GPC3: variants seen among roughly 807,000 people sequenced by gnomAD.
GPC3 encodes the protein glypican 3, also known as glypican-3.
Under a neutral mutation model 34.4 loss-of-function variants are expected in GPC3, and 3 were observed. The observed-to-expected ratio is 0.09, with a 90% CI of 0.04 to 0.23. The LOEUF (loss-of-function observed/expected upper bound fraction) is 0.23, where lower values mean the gene tolerates loss of function less well. GPC3 is among the 10% of genes least tolerant of loss of function. The probability of loss-of-function intolerance (pLI) is 1.00; values close to 1 mark genes in which losing one functional copy is unlikely to be tolerated. For missense variants in GPC3, 351 were observed against 445.6 expected (o/e 0.79, Z 1.91); for synonymous variants, 177 against 174.0 (o/e 1.02, Z -0.13).
chrX:133,661,900 A>G lies in GPC3; in HGVS notation c.1293-50T>C, dbSNP rs200592966. 1.5e-4 allele frequency: 173 copies of G among 1,187,754 alleles called. No homozygotes were observed. The Middle Eastern group carries it at 1.9e-3, about 13-fold the overall frequency. ...GGTTTGTCAAAGAAAGTCCCAAACA[A>G]AGGAAAAGCTGACTGTATTTGGCAT... On this transcript the variant is annotated intron_variant, in intron 5 of 7. Transcript: ENST00000370818.
Position 133,683,796 on chromosome X carries a change from C to G in GPC3, c.1292+8573G>C, listed in dbSNP as rs775402318. ...AAGGTAAAGCTACTGTATATGACAC[C>G]ATAATCTTAAGGGATAAATGTTACT... On this transcript the variant is annotated intron_variant, in intron 5 of 7. Transcript: ENST00000370818. Among the ~76,000 whole-genome samples the G allele has an allele frequency of 2.7e-5, 3 of 111,958 alleles. No homozygotes were observed. The East Asian group carries it at 8.5e-4, about 32-fold the overall frequency.
intron 2 of GPC3, among the ~76,000 whole-genome samples, chrX:133,795,643 A>G (rs1291581632): frequency 8.9e-6 from 1 of 111,832 alleles, no homozygotes; most frequent in Non-Finnish European, 1.9e-5. Context: ...ATACCTATGG[A>G]CTCAAAATCT....
chrX:133,827,875 G>A (rs2075755967), intron 2 of GPC3, among the ~76,000 whole-genome samples: 1 of 102,502 alleles, frequency 9.8e-6, no homozygotes, highest in African/African-American at 3.6e-5. Context: ...AACCCGGGAG[G>A]CGGAGGTTGC....
intron 3 of GPC3, among the ~76,000 whole-genome samples, chrX:133,737,234 A>T (rs2071519640): frequency 8.9e-6 from 1 of 112,315 alleles, no homozygotes; most frequent in Non-Finnish European, 1.9e-5. Flanking sequence ...AGCACAGAAC[A>T]TTTTTATAAC....
intron 3 of GPC3, among the ~76,000 whole-genome samples, chrX:133,746,398 C>A (rs188088859): frequency 1.8e-5 from 2 of 112,393 alleles, no homozygotes; most frequent in Non-Finnish European, 3.8e-5. Context: ...CATCTAATTT[C>A]TTAATATGAC....
At chrX:133,671,314 C>T (rs1328210406) in intron 5 of GPC3, 2 of 770,141 alleles carry the variant, frequency 2.6e-6, no homozygotes, top group African/African-American at 2.0e-5. Context: ...GAAAGGAATG[C>T]AAGAACCCAA....
In GPC3 at chrX:133,896,102, C is replaced by G. The variant is rs144300845; in HGVS notation, c.337+56948G>C. On this transcript the variant is annotated intron_variant, in intron 2 of 7. Coordinates refer to ENST00000370818, the MANE Select transcript of GPC3 (RefSeq NM_004484.4). The stretch of plus-strand genomic sequence containing the variant: ...CAAGGCTGGGTGTGGTGGCTCACTC[C>G]TGTAATCCCAGCATTTTGGGAGGCC... Among the ~76,000 whole-genome samples, 1,086 of 111,968 alleles carry G rather than the reference C, an allele frequency of 9.7e-3. 15 individuals are homozygous for G. Among genetic ancestry groups the G allele is most frequent in the African/African-American group, 0.031 (970 of 30,840 alleles).
intron 2 of GPC3, among the ~76,000 whole-genome samples, chrX:133,863,123 T>C (rs985640323): frequency 2.7e-5 from 3 of 112,634 alleles, no homozygotes; most frequent in African/African-American, 6.5e-5. Context: ...GCTGGGTCAA[T>C]AGTAATTGGT....
chrX:133,596,735 G>T, intron 6 of GPC3, 136 bp from the exon 7 acceptor site: 1 of 640,778 alleles, frequency 1.6e-6, no homozygotes, highest in Non-Finnish European at 2.6e-6. Flanking sequence ...TCAAATTTAC[G>T]TAGGTGTAAA....
At chrX:133,659,131 T>C (rs189781017) in intron 6 of GPC3, among the ~76,000 whole-genome samples, 1 of 112,430 alleles carries the variant, frequency 8.9e-6, no homozygotes, top group East Asian at 2.8e-4. Flanking sequence ...ATGATAGATA[T>C]ACACTGGAGT....
intron 2 of GPC3, among the ~76,000 whole-genome samples, chrX:133,892,239 C>T (rs1005250935): frequency 4.5e-5 from 5 of 111,836 alleles, no homozygotes; most frequent in Non-Finnish European, 9.4e-5. Context: ...AACCATTTTA[C>T]TTCTGGAGCA....
At chrX:133,947,749 T>C (rs953735666) in intron 2 of GPC3, among the ~76,000 whole-genome samples, 4 of 112,038 alleles carry the variant, frequency 3.6e-5, no homozygotes, top group African/African-American at 1.3e-4. Context: ...CCTTTTATAA[T>C]GGGATTACTA....
At chrX:133,758,298 C>T (rs2038750291) in intron 2 of GPC3, among the ~76,000 whole-genome samples, 1 of 111,500 alleles carries the variant, frequency 9.0e-6, no homozygotes, top group Admixed American at 9.5e-5. Context: ...TGGAATCAAC[C>T]CAAATGGCCA....
intron 2 of GPC3, among the ~76,000 whole-genome samples, chrX:133,804,548 A>C (rs1457494818): frequency 9.0e-6 from 1 of 110,517 alleles, no homozygotes; most frequent in East Asian, 2.8e-4. Flanking sequence ...CAAGGCCAAA[A>C]CACTAAATTC....
chrX:133,544,605 A>C (rs2069367215), intron 7 of GPC3, among the ~76,000 whole-genome samples: 1 of 112,185 alleles, frequency 8.9e-6, no homozygotes, highest in African/African-American at 3.2e-5. Context: ...GGCTCACAGC[A>C]GCCTTGAATA....
chrX:133,604,132 T>C (rs928560756), intron 6 of GPC3, among the ~76,000 whole-genome samples: 1 of 111,423 alleles, frequency 9.0e-6, no homozygotes, highest in Non-Finnish European at 1.9e-5. Flanking sequence ...TTTCTCACGT[T>C]AAGGGAAGAC....
chrX:133,784,738 T>C (rs1434494913), intron 2 of GPC3, among the ~76,000 whole-genome samples: 1 of 112,448 alleles, frequency 8.9e-6, no homozygotes, highest in African/African-American at 3.2e-5. Flanking sequence ...TAAAATTCAC[T>C]CCTTCAAAGT....
intron 5 of GPC3, among the ~76,000 whole-genome samples, chrX:133,677,886 C>A (rs2070900268): frequency 9.0e-6 from 1 of 111,169 alleles, no homozygotes; most frequent in Non-Finnish European, 1.9e-5. Flanking sequence ...GCAGTACAGA[C>A]CAGAGAAAAG....
intron 6 of GPC3, among the ~76,000 whole-genome samples, chrX:133,607,460 G>T (rs1305568914): frequency 1.8e-5 from 2 of 110,893 alleles, no homozygotes; most frequent in African/African-American, 3.3e-5. Context: ...AGAGATGGGG[G>T]TCTCGCTATG....
Sources: allele counts gnomAD v4.1 joint callset (sites outside exome capture counted in the v4.1 genomes callset), GRCh38; gene constraint gnomAD v4.1.1; transcripts MANE v1.5; gene names NCBI Gene and HGNC (gene_info 2026-07-23, HGNC 2026-07-21).